The following DNAH5 variants were observed in gnomAD, a reference collection of about 807,000 sequenced individuals.
The protein encoded by DNAH5 is dynein axonemal heavy chain 5, also known as axonemal beta dynein heavy chain 5.
In DNAH5, 372 loss-of-function variants were observed where a neutral mutation model predicts 518.2. The observed-to-expected ratio is 0.72, with a 90% CI of 0.66 to 0.78. DNAH5 has a LOEUF of 0.78. Among genes scored for constraint, DNAH5 ranks in the 30% least tolerant of loss-of-function variants. The pLI is 0.00. For missense variants in DNAH5, 5,523 were observed against 5,687.0 expected (o/e 0.97, Z 0.93); for synonymous variants, 2,039 against 2,025.9 (o/e 1.01, Z -0.17).
chr5:13,915,043 A>G (rs1776486142), intron 9 of DNAH5, among the ~76,000 whole-genome samples: 1 of 152,156 alleles, frequency 6.6e-6, no homozygotes, highest in Non-Finnish European at 1.5e-5. Context: ...TCATGTGACC[A>G]TGATCAGCAA....
intron 35 of DNAH5, among the ~76,000 whole-genome samples, chr5:13,838,983 T>TG (rs537776871): frequency 2.1e-5 from 3 of 142,380 alleles, no homozygotes; most frequent in East Asian, 4.1e-4. Flanking sequence ...CTTTCCTGCT[T>TG]AAAAAAAAAA....
chr5:13,961,382 G>A (rs1196256144), intron 1 of DNAH5, among the ~76,000 whole-genome samples: 1 of 152,124 alleles, frequency 6.6e-6, no homozygotes. Context: ...GGTGGCTCAC[G>A]CCTGTAATCC....
intron 1 of DNAH5, among the ~76,000 whole-genome samples, chr5:13,955,019 T>C (rs137999603): frequency 9.2e-4 from 140 of 152,288 alleles, no homozygotes; most frequent in South Asian, 9.1e-3. Flanking sequence ...CAGACTGATA[T>C]GGTTTGGCTC....
intron 74 of DNAH5, among the ~76,000 whole-genome samples, chr5:13,716,169 C>T (rs1162699948): frequency 1.3e-5 from 2 of 152,206 alleles, no homozygotes; most frequent in African/African-American, 4.8e-5. Flanking sequence ...AGACAGAGAA[C>T]TCCAGGTGAT....
chr5:13,781,655 C>T (rs1365298521), intron 52 of DNAH5, among the ~76,000 whole-genome samples: 9 of 151,868 alleles, frequency 5.9e-5, no homozygotes, highest in East Asian at 5.8e-4. Flanking sequence ...TTTGTCTTGC[C>T]GCCGCCATGT....
intron 35 of DNAH5, among the ~76,000 whole-genome samples, chr5:13,833,597 G>A (rs1038101098): frequency 2.0e-5 from 3 of 152,140 alleles, no homozygotes; most frequent in Non-Finnish European, 4.4e-5. Flanking sequence ...GGGAATGAGG[G>A]AGGTTAGGTG....
chr5:13,863,658 G>A (rs1158704617), intron 28 of DNAH5, among the ~76,000 whole-genome samples: 2 of 151,976 alleles, frequency 1.3e-5, no homozygotes, highest in African/African-American at 4.8e-5. Context: ...TTTCTTGCCT[G>A]AGCTACTCTT....
intron 1 of DNAH5, among the ~76,000 whole-genome samples, chr5:13,957,766 T>C (rs1780861672): frequency 6.6e-6 from 1 of 151,716 alleles, no homozygotes; most frequent in Non-Finnish European, 1.5e-5. Context: ...ACATCATCTT[T>C]TCTTTAAGAT....
Position 13,738,705 on chromosome 5 carries a change from A to G in DNAH5, c.11212-1210T>C, listed in dbSNP as rs536877003. ...AAATACGTGTGACACCAAGCAAGCC[A>G]CAGGAAGAGGAAGCCCAAAGGCAGG... On this transcript the variant is annotated intron_variant, in intron 65 of 78. Transcript: ENST00000265104. Among the ~76,000 whole-genome samples, 72 of 152,310 alleles carry G rather than the reference A, an allele frequency of 4.7e-4. 2 individuals are homozygous for G. In the South Asian group the frequency reaches 0.014, roughly 29 times the overall value.
chr5:13,918,619 C>A (rs951378612), intron 7 of DNAH5, among the ~76,000 whole-genome samples: 30 of 152,048 alleles, frequency 2.0e-4, no homozygotes, highest in African/African-American at 7.2e-4. Flanking sequence ...TACAGGCACA[C>A]GACACTATGC....
intron 12 of DNAH5, among the ~76,000 whole-genome samples, chr5:13,904,345 G>A (rs1286285258): frequency 6.7e-6 from 1 of 149,086 alleles, no homozygotes; most frequent in Middle Eastern, 3.6e-3. Flanking sequence ...ATGTTATATA[G>A]AGAGATATGG....
chr5:13,947,762 A>G (rs1478404279), upstream of DNAH5, among the ~76,000 whole-genome samples: 1 of 152,236 alleles, frequency 6.6e-6, no homozygotes, highest in East Asian at 1.9e-4. Context: ...CAACAGGATC[A>G]AACACATTCA....
At position 13,776,488 on chromosome 5, in the gene DNAH5, T is replaced by A; in HGVS notation, c.9324A>T (p.Gly3108=). 4 of 1,613,856 alleles carry A rather than the reference T, an allele frequency of 2.5e-6. No homozygotes were observed. Among genetic ancestry groups the A allele is most frequent in the Admixed American group, 1.7e-5 (1 of 59,984 alleles). ...RALKFPALIS[G]CTIDWFSRWP... is the part of the protein sequence containing the mutation. ...ATCGGCTGAACCAGTCAATTGTGCA[T>A]CCTGAAATTAGGGCAGGGAACTTCA... The change falls in exon 55 of 79, where the codon GGA becomes GGT. Residue 3108 remains glycine (G), a synonymous_variant. Coordinates refer to ENST00000265104, the MANE Select transcript of DNAH5 (RefSeq NM_001369.3).
intron 49 of DNAH5, 101 bp from the exon 50 acceptor site, chr5:13,792,318 ATT>A (rs1757128759): frequency 2.2e-6 from 2 of 889,202 alleles, no homozygotes; most frequent in South Asian, 2.9e-5. Flanking sequence ...GTCATTATAC[ATT>A]TTAATAGATA....
intron 1 of DNAH5, among the ~76,000 whole-genome samples, chr5:13,991,970 C>T (rs1783592450): frequency 6.6e-6 from 1 of 152,082 alleles, no homozygotes; most frequent in Non-Finnish European, 1.5e-5. Context: ...GTACACGAAG[C>T]AGAATGAACG....
At position 13,883,017 on chromosome 5, in the gene DNAH5, T is replaced by C. The variant is rs1396832616; in HGVS notation, c.3061A>G (p.Ile1021Val). The change falls in exon 20 of 79, where the codon ATC becomes GTC. Residue 1021 changes from isoleucine to valine, a missense_variant. Physicochemically the swap from Ile to Val is conservative, Grantham distance 29 (BLOSUM62 3). This residue lies in a region of DNAH5 where 5,121 missense variants were observed against 5,223.3 expected (regional missense o/e 0.98). Transcript: ENST00000265104. ...TCTTCCAGGGCAGGGGCCATGACGATGTTGGGAATGGCCAGAGTGACGCTT... is the reference window on the plus strand; with the variant it reads ...TCTTCCAGGGCAGGGGCCATGACGACGTTGGGAATGGCCAGAGTGACGCTT... ...RASVTLAIPN[I>V]VMAPALEDVQ... 3.7e-6 allele frequency: 6 copies of C among 1,614,084 alleles called. No individual in the cohort carries two copies. Among genetic ancestry groups the C allele is most frequent in the East Asian group, 2.2e-5 (1 of 44,898 alleles).
chr5:13,710,619 C>T (rs2126469061), intron 75 of DNAH5, among the ~76,000 whole-genome samples: 1 of 152,134 alleles, frequency 6.6e-6, no homozygotes. Context: ...AGACCATTAG[C>T]AAGATTCACC....
At chr5:13,925,241 C>A (rs919756711) in intron 3 of DNAH5, among the ~76,000 whole-genome samples, 4 of 152,052 alleles carry the variant, frequency 2.6e-5, no homozygotes, top group Non-Finnish European at 5.9e-5. Flanking sequence ...AACCAAGGCA[C>A]CAACGCATGA....
At chr5:13,692,281 C>A (rs560080322) in intron 78 of DNAH5, 146 bp from the exon 79 acceptor site, 2 of 899,994 alleles carry the variant, frequency 2.2e-6, no homozygotes, top group South Asian at 1.5e-5. Flanking sequence ...TGAGGTCAGG[C>A]AATTCCTAGA....
Sources: gnomAD v4.1 joint callset for allele counts (sites outside exome capture counted in the v4.1 genomes callset) on GRCh38, gnomAD v4.1.1 for gene constraint, gnomAD v4.1.1 regional missense constraint, MANE v1.5 for transcripts, NCBI Gene and HGNC (gene_info 2026-07-23, HGNC 2026-07-21) for gene names.